The following FRMD5 variants were observed in gnomAD, a reference collection of about 807,000 sequenced individuals.
The protein encoded by FRMD5 is FERM domain-containing protein 5.
In FRMD5, 20 loss-of-function variants were observed where a neutral mutation model predicts 69.0. That is an observed-to-expected ratio of 0.29 (90% CI 0.20 to 0.42). The LOEUF is 0.42. Among genes scored for constraint, FRMD5 ranks in the 10% least tolerant of loss-of-function variants. FRMD5 has a pLI of 1.00. For synonymous variants in FRMD5, 271 were observed against 260.1 expected (o/e 1.04, Z -0.40); for missense variants, 595 against 708.6 (o/e 0.84, Z 1.82).
At chr15:44,104,139 C>T (rs530988389) in intron 1 of FRMD5, among the ~76,000 whole-genome samples, 17 of 152,210 alleles carry the variant, frequency 1.1e-4, no homozygotes, top group African/African-American at 3.4e-4. Context: ...ACCTTGTGTA[C>T]GCCCAGGTTA....
intron 1 of FRMD5, among the ~76,000 whole-genome samples, chr15:44,099,962 T>TCTACA (rs1449426395): frequency 6.6e-6 from 1 of 151,782 alleles, no homozygotes; most frequent in Non-Finnish European, 1.5e-5. Flanking sequence ...TAACAAGCAC[T>TCTACA]CTGAAAGCCC....
At position 43,953,653 on chromosome 15, in the gene FRMD5, CACA is replaced by C. The variant is rs542343335; in HGVS notation, c.103-29347_103-29345del. ...AGCTATCCCTCACAACCACTTCCCT[CACA>C]ACAATAAAAACCTCACACCTTAGCT... is the stretch of plus-strand genomic sequence containing the variant. On this transcript the variant is annotated intron_variant, in intron 1 of 13. Coordinates refer to ENST00000417257, the MANE Select transcript of FRMD5 (RefSeq NM_032892.5). Among the ~76,000 whole-genome samples the C allele has an allele frequency of 5.3e-4, 81 of 152,348 alleles. No homozygotes were observed. In the Middle Eastern group the frequency reaches 0.01, roughly 19 times the overall value.
At chr15:44,027,303 A>G (rs1264687416) in intron 1 of FRMD5, among the ~76,000 whole-genome samples, 1 of 152,198 alleles carries the variant, frequency 6.6e-6, no homozygotes, top group African/African-American at 2.4e-5. Flanking sequence ...CCAGAGCAAA[A>G]AACAAACACA....
intron 1 of FRMD5, among the ~76,000 whole-genome samples, chr15:44,181,091 G>A (rs768089318): frequency 6.6e-6 from 1 of 152,110 alleles, no homozygotes; most frequent in Non-Finnish European, 1.5e-5. Flanking sequence ...CCAGGCTAGA[G>A]TACAGTGGTC....
Position 43,875,483 on chromosome 15 carries a change from TTG to T in FRMD5, c.1136-1023_1136-1022del, listed in dbSNP as rs559605050. Among the ~76,000 whole-genome samples, 79 of 150,790 alleles carry T rather than the reference TTG, an allele frequency of 5.2e-4. 1 individual carries two copies. The East Asian group carries it at 0.015, about 29-fold the overall frequency. ...TTTTTGCTTACGGTTTTGGCCTAGTTTGTGTGTGTTTTGAGATGGAGTCTTAC... is the reference window on the plus strand; with the variant it reads ...TTTTTGCTTACGGTTTTGGCCTAGTTTGTGTGTTTTGAGATGGAGTCTTAC... On this transcript the variant is annotated intron_variant, in intron 13 of 13. Coordinates refer to ENST00000417257, the MANE Select transcript of FRMD5 (RefSeq NM_032892.5).
chr15:44,173,995 T>C (rs1451968112), intron 1 of FRMD5, among the ~76,000 whole-genome samples: 1 of 152,080 alleles, frequency 6.6e-6, no homozygotes, highest in Non-Finnish European at 1.5e-5. Context: ...GGTGACTCAT[T>C]CAAGGTCATA....
At chr15:43,898,747 A>G (rs1260950209) in intron 7 of FRMD5, among the ~76,000 whole-genome samples, 1 of 152,240 alleles carries the variant, frequency 6.6e-6, no homozygotes, top group Non-Finnish European at 1.5e-5. Context: ...CAGCAGCTGT[A>G]GGCTTGGGCT....
intron 6 of FRMD5, among the ~76,000 whole-genome samples, chr15:43,904,220 G>T (rs541482957): frequency 3.7e-4 from 56 of 152,306 alleles, no homozygotes; most frequent in South Asian, 2.1e-3. Context: ...GGTCGGGGAA[G>T]GAACAAGTTG....
chr15:44,178,278 T>A (rs2077936024), intron 1 of FRMD5, among the ~76,000 whole-genome samples: 1 of 151,912 alleles, frequency 6.6e-6, no homozygotes, highest in Non-Finnish European at 1.5e-5. Flanking sequence ...CGAGCGGAGA[T>A]CACACCACTG....
chr15:43,888,487 T>G (rs1486657174), intron 9 of FRMD5, among the ~76,000 whole-genome samples: 2 of 152,088 alleles, frequency 1.3e-5, no homozygotes, highest in African/African-American at 4.8e-5. Context: ...GTGGCACAAA[T>G]TGAACCAGGA....
intron 1 of FRMD5, among the ~76,000 whole-genome samples, chr15:44,098,149 A>G (rs984210041): frequency 1.3e-5 from 2 of 151,094 alleles, no homozygotes; most frequent in African/African-American, 2.4e-5. Flanking sequence ...ACAACAAAAA[A>G]CTAAATAAAA....
chr15:44,094,893 T>C (rs1456077896), intron 1 of FRMD5, among the ~76,000 whole-genome samples: 1 of 152,092 alleles, frequency 6.6e-6, no homozygotes, highest in Non-Finnish European at 1.5e-5. Flanking sequence ...AGGGACACAT[T>C]GAAATGGCCT....
At chr15:44,167,116 C>A (rs926980290) in intron 1 of FRMD5, among the ~76,000 whole-genome samples, 15 of 152,136 alleles carry the variant, frequency 9.9e-5, no homozygotes, top group African/African-American at 3.4e-4. Context: ...AGTTTCACCT[C>A]CAAGCAACTG....
intron 1 of FRMD5, among the ~76,000 whole-genome samples, chr15:44,147,389 G>T (rs2077373637): frequency 6.6e-6 from 1 of 152,060 alleles, no homozygotes; most frequent in Non-Finnish European, 1.5e-5. Context: ...TTGCAGTATA[G>T]TTTCAAGTCG....
intron 7 of FRMD5, among the ~76,000 whole-genome samples, chr15:43,897,574 G>A (rs1194536306): frequency 6.6e-6 from 1 of 151,662 alleles, no homozygotes; most frequent in Non-Finnish European, 1.5e-5. Flanking sequence ...CTGGCTAGGT[G>A]GCTGGATTAT....
chr15:43,916,780 T>C (rs1384677328), intron 4 of FRMD5, among the ~76,000 whole-genome samples: 4 of 89,010 alleles, frequency 4.5e-5, no homozygotes, highest in Middle Eastern at 6.1e-3. Context: ...CAAAATTGTA[T>C]TTTTTTTTTT....
intron 1 of FRMD5, among the ~76,000 whole-genome samples, chr15:44,020,348 A>G (rs188845261): frequency 5.1e-4 from 78 of 152,230 alleles, no homozygotes; most frequent in African/African-American, 1.7e-3. Context: ...GTTGTCCTCA[A>G]TTTACAGATG....
At chr15:43,894,437 A>G (rs1377899084) in intron 7 of FRMD5, among the ~76,000 whole-genome samples, 1 of 152,092 alleles carries the variant, frequency 6.6e-6, no homozygotes, top group African/African-American at 2.4e-5. Context: ...GGTGTTAGAC[A>G]GTGGGGTGGG....
At chr15:43,993,058 T>C (rs1221035123) in intron 1 of FRMD5, among the ~76,000 whole-genome samples, 1 of 152,206 alleles carries the variant, frequency 6.6e-6, no homozygotes, top group Non-Finnish European at 1.5e-5. Context: ...ATTTGGAAAT[T>C]TTCTAAAATT....
Sources: gnomAD v4.1 joint callset for allele counts (sites outside exome capture counted in the v4.1 genomes callset) on GRCh38, gnomAD v4.1.1 for gene constraint, MANE v1.5 for transcripts, NCBI Gene and HGNC (gene_info 2026-07-23, HGNC 2026-07-21) for gene names.